Variants in TSHZ2 observed in about 807,000 individuals in gnomAD.
TSHZ2 encodes teashirt homolog 2.
TSHZ2 carries 21 observed loss-of-function variants against 74.4 expected under a neutral mutation model. The ratio of observed to expected loss-of-function variants is 0.28; its 90% CI spans 0.20 to 0.41. The LOEUF (loss-of-function observed/expected upper bound fraction) is 0.41. Ranked by LOEUF, TSHZ2 falls within the 10% of genes least tolerant of loss-of-function variation. The probability of loss-of-function intolerance (pLI) is 1.00; values close to 1 mark genes in which losing one functional copy is unlikely to be tolerated. For missense variants in TSHZ2, 1,244 were observed against 1,293.5 expected, an observed-to-expected ratio of 0.96 and a Z score of 0.59; for synonymous variants, 540 against 515.3, an observed-to-expected ratio of 1.05 and a Z score of -0.65.
rs967197125 is a variant in TSHZ2 at position 53,491,913 on chromosome 20, C to G, written c.*4778C>G. The G allele has an allele frequency of 6.6e-6, 1 of 152,126 alleles. No individual in the cohort carries two copies. The highest frequency in any genetic ancestry group is 2.4e-5 in the African/African-American group (1 of 41,542). 9.4% of individuals were successfully genotyped at this position (152,126 alleles called of 1,614,324 possible). ...TTATTAAGGCCTTTTAAAATACAGG[C>G]TGTTTGAAAAAAGACAGATTAAATA... On this transcript the variant is annotated 3_prime_UTR_variant, in exon 3 of 3. Transcript: ENST00000371497.
chr20:53,063,082 T>C (rs1984871024), intron 1 of TSHZ2, among the ~76,000 whole-genome samples: 1 of 152,114 alleles, frequency 6.6e-6, no homozygotes, highest in East Asian at 1.9e-4. Flanking sequence ...CAGATCATCA[T>C]AATAGATATA....
At chr20:53,438,708 C>G (rs1381159882) in intron 2 of TSHZ2, among the ~76,000 whole-genome samples, 2 of 152,160 alleles carry the variant, frequency 1.3e-5, no homozygotes, top group African/African-American at 4.8e-5. Flanking sequence ...CGCCTGTAAT[C>G]CTAGCATTTT....
At chr20:53,034,014 T>C (rs1249887790) in intron 1 of TSHZ2, among the ~76,000 whole-genome samples, 5 of 152,124 alleles carry the variant, frequency 3.3e-5, no homozygotes, top group Non-Finnish European at 5.9e-5. Context: ...GACTCAGATA[T>C]CTGGAGAGCG....
intron 1 of TSHZ2, among the ~76,000 whole-genome samples, chr20:53,144,632 T>C (rs748267244): frequency 1.8e-4 from 28 of 152,184 alleles, no homozygotes; most frequent in Non-Finnish European, 4.0e-4. Context: ...CTGAGAAAAC[T>C]GGGGCACAGA....
intron 2 of TSHZ2, among the ~76,000 whole-genome samples, chr20:53,328,113 A>G (rs1006445056): frequency 3.3e-5 from 5 of 152,150 alleles, no homozygotes; most frequent in Non-Finnish European, 7.3e-5. Context: ...TAAACCTGAC[A>G]ATGGTGCTCA....
chr20:53,261,551 G>A (rs997966503), intron 2 of TSHZ2, among the ~76,000 whole-genome samples: 1 of 152,158 alleles, frequency 6.6e-6, no homozygotes, highest in African/African-American at 2.4e-5. Flanking sequence ...AGAAACAAAT[G>A]CATCGTCTTC....
chr20:53,309,943 A>G (rs1488600723), intron 2 of TSHZ2, among the ~76,000 whole-genome samples: 1 of 152,244 alleles, frequency 6.6e-6, no homozygotes, highest in Non-Finnish European at 1.5e-5. Context: ...GTTATTGGAC[A>G]TTCCCAGTGG....
Position 53,294,433 on chromosome 20 carries a change from G to C in TSHZ2, c.*8+37862G>C, listed in dbSNP as rs115850594. Among the ~76,000 whole-genome samples, 563 of 152,010 alleles carry C rather than the reference G, an allele frequency of 3.7e-3. 2 individuals carry two copies. The highest frequency in any genetic ancestry group is 0.013 in the African/African-American group (548 of 41,436). ...CAGGATAATTGGAATGATTGAGTGA[G>C]ATCATCTGCATCAACTGCTTTGGAA... On this transcript the variant is annotated intron_variant, in intron 2 of 2. Transcript: ENST00000371497.
At chr20:53,387,642 T>A (rs1982097403) in intron 2 of TSHZ2, among the ~76,000 whole-genome samples, 2 of 152,196 alleles carry the variant, frequency 1.3e-5, no homozygotes, top group Admixed American at 6.5e-5. Context: ...AAGTGAAACT[T>A]CATTATTGCC....
At chr20:53,305,388 C>G (rs541111137) in intron 2 of TSHZ2, among the ~76,000 whole-genome samples, 3 of 152,170 alleles carry the variant, frequency 2.0e-5, no homozygotes, top group Non-Finnish European at 2.9e-5. Flanking sequence ...TTTTGGATAG[C>G]CAAGTTTTTT....
intron 2 of TSHZ2, among the ~76,000 whole-genome samples, chr20:53,418,392 G>A (rs1314212755): frequency 6.6e-6 from 1 of 152,168 alleles, no homozygotes; most frequent in Non-Finnish European, 1.5e-5. Context: ...TCACACTGCC[G>A]ATAAGGATAT....
At chr20:53,063,539 G>A (rs980707205) in intron 1 of TSHZ2, among the ~76,000 whole-genome samples, 2 of 152,186 alleles carry the variant, frequency 1.3e-5, no homozygotes, top group African/African-American at 4.8e-5. Flanking sequence ...CCCTGCAGAA[G>A]ATGAGAACTG....
At chr20:53,219,154 C>T (rs2123635352) in intron 1 of TSHZ2, among the ~76,000 whole-genome samples, 1 of 152,292 alleles carries the variant, frequency 6.6e-6, no homozygotes, top group East Asian at 1.9e-4. Flanking sequence ...TCTCATTTCT[C>T]CATTGGCCCA....
chr20:53,271,811 T>C (rs970376768), intron 2 of TSHZ2, among the ~76,000 whole-genome samples: 3 of 152,116 alleles, frequency 2.0e-5, no homozygotes, highest in Non-Finnish European at 2.9e-5. Context: ...GAGCCCAGTT[T>C]TGGGGAGCAG....
intron 1 of TSHZ2, among the ~76,000 whole-genome samples, chr20:53,058,635 C>T (rs968451434): frequency 5.9e-5 from 9 of 152,172 alleles, no homozygotes; most frequent in African/African-American, 2.2e-4. Context: ...AAAAAAGCAC[C>T]ATGGACTAAA....
intron 1 of TSHZ2, among the ~76,000 whole-genome samples, chr20:53,025,113 A>G (rs1006270759): frequency 1.3e-5 from 2 of 151,812 alleles, no homozygotes; most frequent in Non-Finnish European, 2.9e-5. Context: ...AATTAGATAT[A>G]AAAATTAAGT....
chr20:53,469,727 AGGG>A lies in TSHZ2; in HGVS notation c.*9-17416_*9-17414del, dbSNP rs1396740528. Among the ~76,000 whole-genome samples the A allele has an allele frequency of 1.1e-4, 15 of 133,868 alleles. 1 individual carries two copies. Among genetic ancestry groups the A allele is most frequent in the African/African-American group, 3.9e-4 (14 of 36,202 alleles). 87.8% of individuals were successfully genotyped at this position (133,868 alleles called of 152,430 possible). A position where few individuals can be genotyped will look rare whatever the true frequency, so the allele number is the denominator to read the frequency against. ...TAGAGAAAGAGAGAGGGAGGAAGGG[AGGG>A]AGGAAGGAAGGAAGGACCCAAGAAA... On this transcript the variant is annotated intron_variant, in intron 2 of 2. Transcript: ENST00000371497.
chr20:53,031,253 A>T (rs917732767), intron 1 of TSHZ2, among the ~76,000 whole-genome samples: 1 of 152,232 alleles, frequency 6.6e-6, no homozygotes, highest in African/African-American at 2.4e-5. Flanking sequence ...GTGCTATCGC[A>T]GCCTGTCATG....
At chr20:53,460,727 G>T (rs1038552981) in intron 2 of TSHZ2, among the ~76,000 whole-genome samples, 3 of 152,126 alleles carry the variant, frequency 2.0e-5, no homozygotes, top group African/African-American at 7.2e-5. Context: ...TGGGTTTTTG[G>T]TGTGGATGTC....
Sources: gnomAD v4.1 joint callset for allele counts (sites outside exome capture counted in the v4.1 genomes callset) on GRCh38, gnomAD v4.1.1 for gene constraint, MANE v1.5 for transcripts, NCBI Gene and HGNC (gene_info 2026-07-23, HGNC 2026-07-21) for gene names.